DNAH9: variants seen among roughly 807,000 people sequenced by gnomAD.
The protein encoded by DNAH9 is DNAH9 variant protein.
A neutral mutation model predicts 471.6 loss-of-function variants in DNAH9; 345 were observed. That is an observed-to-expected ratio of 0.73 (90% CI 0.67 to 0.80). DNAH9 has a LOEUF of 0.80. Among genes scored for constraint, DNAH9 ranks in the 30% least tolerant of loss-of-function variants. The pLI, the probability that DNAH9 is intolerant of heterozygous loss-of-function variation, is 0.00. For synonymous variants in DNAH9, 2,093 were observed against 2,123.6 expected (o/e 0.99, Z 0.40); for missense variants, 5,407 against 5,609.2 (o/e 0.96, Z 1.15).
intron 61 of DNAH9, among the ~76,000 whole-genome samples, chr17:11,920,594 C>G (rs1180384841): frequency 6.9e-6 from 1 of 144,964 alleles, no homozygotes. Flanking sequence ...GCACTCCAGT[C>G]TGGGCGACAG....
At chr17:11,865,810 A>G (rs1038765983) in intron 50 of DNAH9, among the ~76,000 whole-genome samples, 2 of 152,096 alleles carry the variant, frequency 1.3e-5, no homozygotes, top group African/African-American at 4.8e-5. Context: ...AGTTGATCAC[A>G]TTGGCTCCTG....
intron 43 of DNAH9, among the ~76,000 whole-genome samples, chr17:11,798,214 C>T (rs1385678975): frequency 1.3e-5 from 2 of 151,820 alleles, no homozygotes; most frequent in Admixed American, 6.6e-5. Context: ...GGGCAGATCA[C>T]GAGGTCAGGA....
At chr17:11,929,236 G>C (rs919453374) in intron 62 of DNAH9, among the ~76,000 whole-genome samples, 1 of 151,702 alleles carries the variant, frequency 6.6e-6, no homozygotes, top group African/African-American at 2.4e-5. Context: ...GGGTTTCACC[G>C]TGTTAGCCAG....
intron 62 of DNAH9, among the ~76,000 whole-genome samples, chr17:11,925,825 T>A (rs761706595): frequency 4.6e-5 from 7 of 152,000 alleles, no homozygotes; most frequent in Non-Finnish European, 8.8e-5. Flanking sequence ...TGCCTGCCTT[T>A]CCCCCTGAAT....
chr17:11,921,191 TG>T (rs1291115721), intron 61 of DNAH9, among the ~76,000 whole-genome samples: 25 of 150,812 alleles, frequency 1.7e-4, no homozygotes, highest in Admixed American at 1.5e-3. Context: ...TGCAGTAAGG[TG>T]AGATCATGCC....
At chr17:11,936,632 A>C (rs1369041236) in intron 65 of DNAH9, among the ~76,000 whole-genome samples, 2 of 152,074 alleles carry the variant, frequency 1.3e-5, no homozygotes, top group Non-Finnish European at 2.9e-5. Flanking sequence ...GCAGAGTGAG[A>C]GCCTGTCTCA....
Position 11,675,065 on chromosome 17 carries a change from T to C in DNAH9, c.3354-4692T>C, listed in dbSNP as rs558693337. On this transcript the variant is annotated intron_variant, in intron 17 of 68. Transcript: ENST00000262442. ...TGACTATAGATCAATTTGAGTAGAA[T>C]TGATGATATTGAATATTCTTGTCCA... 3.0e-3 allele frequency among the ~76,000 whole-genome samples: 452 copies of C among 152,296 alleles called. 1 individual carries two copies. The highest frequency in any genetic ancestry group is 0.01 in the African/African-American group (425 of 41,580).
intron 54 of DNAH9, among the ~76,000 whole-genome samples, chr17:11,880,816 G>A (rs554430884): frequency 1.1e-4 from 17 of 152,232 alleles, no homozygotes; most frequent in African/African-American, 4.1e-4. Flanking sequence ...ACCCATAGAT[G>A]TCATTCCCAT....
At chr17:11,699,488 T>C (rs1232160427) in intron 22 of DNAH9, among the ~76,000 whole-genome samples, 2 of 152,240 alleles carry the variant, frequency 1.3e-5, no homozygotes, top group African/African-American at 2.4e-5. Context: ...CATTGTGACT[T>C]AGTTGGTTTA....
rs1445789424 is a variant in DNAH9 at position 11,664,909 on chromosome 17, T to G, written c.2672T>G (p.Leu891Trp). 1 of 1,613,316 alleles carries G rather than the reference T, an allele frequency of 6.2e-7. No individual in the cohort carries two copies. The highest frequency in any genetic ancestry group is 8.5e-7 in the Non-Finnish European group (1 of 1,179,278). The change falls in exon 15 of 69, where the codon TTG (leucine) becomes TGG (tryptophan). Residue 891 changes from leucine to tryptophan, a missense_variant. Around this residue, in one of 3 missense-constraint regions of DNAH9, gnomAD observed 4,636 missense variants for 4,900.3 expected, o/e 0.95. Transcript: ENST00000262442. ...TATGTTAACTCTATTGACAATTTGT[T>G]GCTGAATGGATTCTTTCTTGCCATT... ...KTYVNSIDNL[L>W]LNGFFLAIEC...
Position 11,908,045 on chromosome 17 carries a change from G to A in DNAH9, c.11749+2236G>A, listed in dbSNP as rs894251715. On this transcript the variant is annotated intron_variant, in intron 61 of 68. Coordinates refer to ENST00000262442, the MANE Select transcript of DNAH9 (RefSeq NM_001372.4). ...GTCTGTTTGGCACTGAAGCATCACA[G>A]GGCCAAATGCATTAACTATACAGTC... 1.9e-4 allele frequency among the ~76,000 whole-genome samples: 29 copies of A among 152,150 alleles called. 1 individual carries two copies. The highest frequency in any genetic ancestry group is 1.5e-5 in the Non-Finnish European group (1 of 68,020).
At chr17:11,817,263 A>C (rs1157263404) in intron 45 of DNAH9, among the ~76,000 whole-genome samples, 4 of 152,162 alleles carry the variant, frequency 2.6e-5, no homozygotes, top group African/African-American at 9.7e-5. Flanking sequence ...TGAAAATGCA[A>C]ATTTTGTTCC....
At chr17:11,834,198 A>G (rs1970763090) in intron 48 of DNAH9, among the ~76,000 whole-genome samples, 1 of 151,994 alleles carries the variant, frequency 6.6e-6, no homozygotes, top group Non-Finnish European at 1.5e-5. Flanking sequence ...GCTTGGTGGC[A>G]CATGCCTGTA....
At chr17:11,958,703 T>C (rs764626720) in intron 67 of DNAH9, among the ~76,000 whole-genome samples, 32 of 150,290 alleles carry the variant, frequency 2.1e-4, no homozygotes, top group Non-Finnish European at 4.3e-4. Flanking sequence ...TACTTGCTGC[T>C]CAATTTGCTG....
chr17:11,789,774 C>T (rs779722356), intron 41 of DNAH9, among the ~76,000 whole-genome samples: 11 of 151,942 alleles, frequency 7.2e-5, no homozygotes, highest in Non-Finnish European at 1.6e-4. Context: ...GGCATGGCTA[C>T]TTATATCATT....
intron 67 of DNAH9, among the ~76,000 whole-genome samples, chr17:11,958,895 T>G (rs940746419): frequency 2.6e-5 from 4 of 152,052 alleles, no homozygotes; most frequent in Admixed American, 2.6e-4. Context: ...TGTTAACAAA[T>G]CAAATCACAC....
At chr17:11,609,588 G>T (rs1013918559) in intron 2 of DNAH9, among the ~76,000 whole-genome samples, 1 of 152,108 alleles carries the variant, frequency 6.6e-6, no homozygotes, top group Non-Finnish European at 1.5e-5. Context: ...GTGGAAGTGG[G>T]TTTCTGACAT....
At chr17:11,810,136 A>G in intron 44 of DNAH9, 110 bp from the exon 45 acceptor site, 1 of 1,342,626 alleles carries the variant, frequency 7.4e-7, no homozygotes, top group South Asian at 1.5e-5. Context: ...CCTTACTTTA[A>G]TTCCCATTCA....
At chr17:11,720,144 G>T (rs1191731018) in intron 27 of DNAH9, among the ~76,000 whole-genome samples, 2 of 151,950 alleles carry the variant, frequency 1.3e-5, no homozygotes, top group African/African-American at 4.8e-5. Flanking sequence ...AAAGGCCCAT[G>T]AGGTCACTTC....
Sources: allele counts gnomAD v4.1 joint callset (sites outside exome capture counted in the v4.1 genomes callset), GRCh38; gene constraint gnomAD v4.1.1; regional missense constraint gnomAD v4.1.1; transcripts MANE v1.5; gene names NCBI Gene and HGNC (gene_info 2026-07-23, HGNC 2026-07-21).